The following WNT3A variants were observed in gnomAD, a reference collection of about 807,000 sequenced individuals.
WNT3A encodes Wnt family member 3A.
A neutral mutation model predicts 37.0 loss-of-function variants in WNT3A; 17 were observed. That is an observed-to-expected ratio of 0.46 (90% CI 0.31 to 0.69). The LOEUF (loss-of-function observed/expected upper bound fraction) is 0.69, where lower values mean the gene tolerates loss of function less well. Ranked by LOEUF, WNT3A falls within the 30% of genes least tolerant of loss-of-function variation. The pLI, the probability that WNT3A is intolerant of heterozygous loss-of-function variation, is 0.05. For missense variants in WNT3A, 411 were observed against 510.2 expected, an observed-to-expected ratio of 0.81 and a Z score of 1.87; for synonymous variants, 187 against 211.0, an observed-to-expected ratio of 0.89 and a Z score of 0.99.
At chr1:228,019,726 CTCTA>C (rs2030629841) in intron 1 of WNT3A, among the ~76,000 whole-genome samples, 1 of 152,266 alleles carries the variant, frequency 6.6e-6, no homozygotes, top group African/African-American at 2.4e-5. Flanking sequence ...CCTCTCCATT[CTCTA>C]TCTATCCGTC....
chr1:228,043,075 G>A (rs1411982137), intron 2 of WNT3A, among the ~76,000 whole-genome samples: 1 of 152,170 alleles, frequency 6.6e-6, no homozygotes, highest in South Asian at 2.1e-4. Flanking sequence ...ATGGATAGAT[G>A]TGGATGACGG....
At position 228,031,937 on chromosome 1, in the gene WNT3A, TAGGAAGAAAGC is replaced by T. The variant is rs2031020890; in HGVS notation, c.313+9036_313+9046del. On this transcript the variant is annotated intron_variant, in intron 2 of 3. Transcript: ENST00000284523. The surrounding 1 kb of genome is among the most constrained non-coding windows in gnomAD (Gnocchi z 4.8). ...CCCTCTGAGAAGGAAGCAGCGATTT[TAGGAAGAAAGC>T]AGGAAGCCTGTCCTGCTTGGAGCCA... 1.3e-5 allele frequency among the ~76,000 whole-genome samples: 2 copies of T among 152,082 alleles called. No homozygotes were observed. The highest frequency in any genetic ancestry group is 6.5e-5 in the Admixed American group (1 of 15,276).
rs1271283825 is a variant in WNT3A at position 228,038,602 on chromosome 1, C to T, written c.314-12054C>T. On this transcript the variant is annotated intron_variant, in intron 2 of 3. Coordinates refer to ENST00000284523, the MANE Select transcript of WNT3A (RefSeq NM_033131.4). This position sits in a 1 kb window ranked among gnomAD's most constrained non-coding sequence, Gnocchi z 5.7. Reference sequence around the variant, plus strand: ...CCCCTTCCAGCAGCTGTGGCGTGAGCAGGCAGGAGATGGGGGCAGCACCAG... The same window carrying T: ...CCCCTTCCAGCAGCTGTGGCGTGAGTAGGCAGGAGATGGGGGCAGCACCAG... 1.3e-5 allele frequency among the ~76,000 whole-genome samples: 2 copies of T among 152,186 alleles called. No individual in the cohort carries two copies. Among genetic ancestry groups the T allele is most frequent in the Non-Finnish European group, 2.9e-5 (2 of 68,032 alleles).
At chr1:228,018,407 A>AC (rs1553308384) in intron 1 of WNT3A, among the ~76,000 whole-genome samples, 1 of 147,600 alleles carries the variant, frequency 6.8e-6, no homozygotes, top group Non-Finnish European at 1.5e-5. Flanking sequence ...TGCAATTTAG[A>AC]TTTTTTTTTT....
chr1:228,035,332 G>A (rs943729501), intron 2 of WNT3A, among the ~76,000 whole-genome samples: 7 of 152,216 alleles, frequency 4.6e-5, no homozygotes, highest in Non-Finnish European at 8.8e-5. Context: ...ACAAAGCAGA[G>A]ACATGAACCT....
intron 3 of WNT3A, 140 bp downstream of exon 3, chr1:228,051,061 T>A: frequency 8.6e-7 from 1 of 1,161,234 alleles, no homozygotes; most frequent in Non-Finnish European, 1.2e-6. Flanking sequence ...GCCTGGGGTG[T>A]GCGAAGCTTA....
chr1:228,008,515 G>C lies in WNT3A; in HGVS notation c.71+1316G>C, dbSNP rs984515302. 1.0e-3 allele frequency among the ~76,000 whole-genome samples: 152 copies of C among 152,288 alleles called. 4 individuals carry two copies. Among genetic ancestry groups the C allele is most frequent in the Admixed American group, 9.9e-3 (151 of 15,304 alleles). Reference sequence around the variant, plus strand: ...ACGAGGCCGCGGGGACGCGCTTCGGGGACCCCCGCGCGCCCCTATTTCCGC... The same window carrying C: ...ACGAGGCCGCGGGGACGCGCTTCGGCGACCCCCGCGCGCCCCTATTTCCGC... On this transcript the variant is annotated intron_variant, in intron 1 of 3. Coordinates refer to ENST00000284523, the MANE Select transcript of WNT3A (RefSeq NM_033131.4). This position sits in a 1 kb window ranked among gnomAD's most constrained non-coding sequence, Gnocchi z 4.9.
intron 1 of WNT3A, among the ~76,000 whole-genome samples, chr1:228,017,441 G>C (rs542525527): frequency 6.6e-6 from 1 of 152,170 alleles, no homozygotes; most frequent in African/African-American, 2.4e-5. Context: ...GGCCAGGCGC[G>C]GTGGCTCACA....
chr1:228,055,180 AT>A (rs1364428693), intron 3 of WNT3A, among the ~76,000 whole-genome samples: 478 of 14,756 alleles, frequency 0.032, 21 homozygotes, highest in East Asian at 0.071. Context: ...AAAAAAAAAA[AT>A]ATATATATAT....
At chr1:228,055,217 T>TACACAC (rs2031661041) in intron 3 of WNT3A, among the ~76,000 whole-genome samples, 1 of 101,132 alleles carries the variant, frequency 9.9e-6, no homozygotes, top group East Asian at 3.3e-4. Flanking sequence ...TATATATATA[T>TACACAC]ATACACACAC....
At position 228,055,199 on chromosome 1, in the gene WNT3A, T is replaced by A. The variant is rs1294478358; in HGVS notation, c.580-3787T>A. The stretch of plus-strand genomic sequence containing the variant: ...AAAAAAATATATATATATATATATA[T>A]ATATATATATATATATATATACACA... On this transcript the variant is annotated intron_variant, in intron 3 of 3. Coordinates refer to ENST00000284523, the MANE Select transcript of WNT3A (RefSeq NM_033131.4). 6.4e-5 allele frequency among the ~76,000 whole-genome samples: 5 copies of A among 78,360 alleles called. 1 individual carries two copies. Among genetic ancestry groups the A allele is most frequent in the African/African-American group, 1.2e-4 (3 of 25,412 alleles). 51.4% of individuals were successfully genotyped at this position (78,360 alleles called of 152,430 possible).
At chr1:228,011,066 G>T (rs1270352083) in intron 1 of WNT3A, among the ~76,000 whole-genome samples, 2 of 152,188 alleles carry the variant, frequency 1.3e-5, no homozygotes, top group Non-Finnish European at 2.9e-5. Flanking sequence ...CTCAGTCCTG[G>T]TGGGCCTCAT....
rs1474364159 is a variant in WNT3A, at chr1:228,040,907, T to C, written c.314-9749T>C. On this transcript the variant is annotated intron_variant, in intron 2 of 3. Coordinates refer to ENST00000284523, the MANE Select transcript of WNT3A (RefSeq NM_033131.4). ...TCTCAAAAAAAAAAAAAAAAGAATT[T>C]GGAAACATATCCTTCCTGTTTGATG... 2.7e-5 allele frequency among the ~76,000 whole-genome samples: 4 copies of C among 148,692 alleles called. No homozygotes were observed. In the East Asian group the frequency reaches 7.8e-4, roughly 29 times the overall value.
intron 2 of WNT3A, among the ~76,000 whole-genome samples, chr1:228,023,436 G>A (rs546344255): frequency 1.3e-5 from 2 of 151,928 alleles, no homozygotes; most frequent in African/African-American, 4.8e-5. Context: ...CACACACACA[G>A]AGAGACAAAG....
rs2031316867 is a variant in WNT3A, at chr1:228,042,750, AATGG to A, written c.314-7902_314-7899del. On this transcript the variant is annotated intron_variant, in intron 2 of 3. Transcript: ENST00000284523. This position sits in a 1 kb window ranked among gnomAD's most constrained non-coding sequence, Gnocchi z 5.2. ...GGATAATGTATGGATATGGATGATGAATGGATGAATGGTGGATGATGGATGATAG... is the reference window on the plus strand; with the variant it reads ...GGATAATGTATGGATATGGATGATGAATGAATGGTGGATGATGGATGATAG... Among the ~76,000 whole-genome samples the A allele has an allele frequency of 3.3e-5, 5 of 151,056 alleles. No homozygotes were observed. The South Asian group carries it at 1.1e-3, about 32-fold the overall frequency.
In WNT3A at chr1:228,059,933, G is replaced by A. The variant is rs1311405701; in HGVS notation, c.*468G>A. 6.3e-6 allele frequency: 7 copies of A among 1,102,412 alleles called. No individual in the cohort carries two copies. The highest frequency in any genetic ancestry group is 7.8e-6 in the Non-Finnish European group (7 of 896,496). The allele number at this position is 1,102,412 out of a possible 1,614,324, so 68.3% of individuals were successfully genotyped here. A position where few individuals can be genotyped will look rare whatever the true frequency, so the allele number is the denominator to read the frequency against. The stretch of plus-strand genomic sequence containing the variant: ...GGGCTCTAGGATGGGGCACGGCTCT[G>A]GGGTAGGCTGCTCCCTGAGGGCGGA... On this transcript the variant is annotated 3_prime_UTR_variant, in exon 4 of 4. Coordinates refer to ENST00000284523, the MANE Select transcript of WNT3A (RefSeq NM_033131.4).
At chr1:228,030,113 G>C (rs930946104) in intron 2 of WNT3A, among the ~76,000 whole-genome samples, 3 of 151,762 alleles carry the variant, frequency 2.0e-5, no homozygotes, top group African/African-American at 7.3e-5. Context: ...AAAATAAATA[G>C]GCCAGGCGTG....
At position 228,060,807 on chromosome 1, in the gene WNT3A, A is replaced by G. The variant is rs41270177; in HGVS notation, c.*1342A>G. 17,765 of 153,486 alleles carry G rather than the reference A, an allele frequency of 0.12. 1,158 individuals carry two copies. Among genetic ancestry groups the G allele is most frequent in the East Asian group, 0.24 (1,234 of 5,178 alleles). 9.5% of individuals were successfully genotyped at this position (153,486 alleles called of 1,614,324 possible). ...CCCCTTAAGGGAAAGGTAGGAAGAG[A>G]GGTCCAGCCCCCCAGGCTGCCCAGA... On this transcript the variant is annotated 3_prime_UTR_variant, in exon 4 of 4. Coordinates refer to ENST00000284523, the MANE Select transcript of WNT3A (RefSeq NM_033131.4).
In WNT3A at chr1:228,060,129, G is replaced by A; in HGVS notation, c.*664G>A. On this transcript the variant is annotated 3_prime_UTR_variant, in exon 4 of 4. Coordinates refer to ENST00000284523, the MANE Select transcript of WNT3A (RefSeq NM_033131.4). The stretch of plus-strand genomic sequence containing the variant: ...GCTTCTCTGGGACCAGGCTCCAATG[G>A]GGCGGGGCTTCTCTCCGCGGGTGGG... 1.5e-6 allele frequency: 2 copies of A among 1,333,652 alleles called. No homozygotes were observed. Among genetic ancestry groups the A allele is most frequent in the East Asian group, 4.7e-5 (1 of 21,408 alleles). The allele number at this position is 1,333,652 out of a possible 1,614,324, so 82.6% of individuals were successfully genotyped here.
Sources: allele counts gnomAD v4.1 joint callset (sites outside exome capture counted in the v4.1 genomes callset), GRCh38; gene constraint gnomAD v4.1.1; non-coding constraint Gnocchi (gnomAD v3.1); transcripts MANE v1.5; gene names NCBI Gene and HGNC (gene_info 2026-07-23, HGNC 2026-07-21).